The following KCNH1 variants were observed in gnomAD, a reference collection of about 807,000 sequenced individuals.
KCNH1 encodes potassium voltage-gated channel subfamily H member 1.
KCNH1 carries 27 observed loss-of-function variants against 69.2 expected under a neutral mutation model. That is an observed-to-expected ratio of 0.39 (90% CI 0.29 to 0.54). The LOEUF (loss-of-function observed/expected upper bound fraction) is 0.54. Ranked by LOEUF, KCNH1 falls within the 20% of genes least tolerant of loss-of-function variation. KCNH1 has a pLI of 0.68. For missense variants in KCNH1, 798 were observed against 1,261.6 expected (o/e 0.63, Z 5.57); for synonymous variants, 456 against 487.7 (o/e 0.93, Z 0.86).
At chr1:210,792,186 T>G (rs1684224368) in intron 9 of KCNH1, among the ~76,000 whole-genome samples, 1 of 152,116 alleles carries the variant, frequency 6.6e-6, no homozygotes, top group Non-Finnish European at 1.5e-5. Context: ...CCCTGATATC[T>G]CTGGACTCTG....
intron 7 of KCNH1, among the ~76,000 whole-genome samples, chr1:210,913,123 TG>T (rs534641443): frequency 8.1e-4 from 124 of 152,264 alleles, no homozygotes; most frequent in African/African-American, 2.9e-3. Flanking sequence ...GTGTCCAAAA[TG>T]GGGGCACCCA....
chr1:210,922,405 A>AC (rs1687481489), intron 6 of KCNH1, among the ~76,000 whole-genome samples: 2 of 36,654 alleles, frequency 5.5e-5, no homozygotes, highest in African/African-American at 1.3e-4. Flanking sequence ...AAAAAAAAAA[A>AC]AAAAAAAAAA....
rs76099529 is a variant in KCNH1, at chr1:210,740,787, T to A, written c.2112+34561A>T. 7.9e-4 allele frequency among the ~76,000 whole-genome samples: 117 copies of A among 148,740 alleles called. 2 individuals are homozygous for A. In the East Asian group the frequency reaches 0.022, roughly 29 times the overall value. ...CAGGCTTGTGACAGCTAAAACACACTTACCACGTCTTTTAAATGTAAAAAC... is the reference window on the plus strand; with the variant it reads ...CAGGCTTGTGACAGCTAAAACACACATACCACGTCTTTTAAATGTAAAAAC... On this transcript the variant is annotated intron_variant, in intron 10 of 10. Coordinates refer to ENST00000271751, the MANE Select transcript of KCNH1 (RefSeq NM_172362.3).
At chr1:210,846,986 C>T (rs1372329135) in intron 7 of KCNH1, among the ~76,000 whole-genome samples, 2 of 152,172 alleles carry the variant, frequency 1.3e-5, no homozygotes, top group African/African-American at 4.8e-5. Flanking sequence ...AAAATGCTCA[C>T]CATCACTGGC....
intron 6 of KCNH1, among the ~76,000 whole-genome samples, chr1:211,011,330 G>C (rs1219912164): frequency 6.6e-6 from 1 of 152,132 alleles, no homozygotes; most frequent in African/African-American, 2.4e-5. Context: ...TGGCTGCATA[G>C]TATTCCATGG....
Position 210,768,131 on chromosome 1 carries a change from A to G in KCNH1, c.2112+7217T>C, listed in dbSNP as rs17016880. On this transcript the variant is annotated intron_variant, in intron 10 of 10. Coordinates refer to ENST00000271751, the MANE Select transcript of KCNH1 (RefSeq NM_172362.3). Reference sequence around the variant, plus strand: ...CCATCACTTCTTTTTAAAAACTTTTAGCACCTGATGGGATCTAAGTCCCAG... The same window carrying G: ...CCATCACTTCTTTTTAAAAACTTTTGGCACCTGATGGGATCTAAGTCCCAG... Among the ~76,000 whole-genome samples the G allele has an allele frequency of 2.5e-3, 376 of 152,346 alleles. 5 individuals carry two copies. Among genetic ancestry groups the G allele is most frequent in the African/African-American group, 8.6e-3 (359 of 41,580 alleles).
At chr1:210,883,328 C>CT (rs1442091085) in intron 7 of KCNH1, among the ~76,000 whole-genome samples, 1 of 152,230 alleles carries the variant, frequency 6.6e-6, no homozygotes, top group Non-Finnish European at 1.5e-5. Context: ...CTAACCTAGT[C>CT]TCCCTGTCTT....
chr1:210,856,802 T>TATATATATA, intron 7 of KCNH1, among the ~76,000 whole-genome samples: 1 of 115,042 alleles, frequency 8.7e-6, no homozygotes, highest in African/African-American at 3.5e-5. Context: ...TATTTATATT[T>TATATATATA]ATATATATAT....
intron 6 of KCNH1, among the ~76,000 whole-genome samples, chr1:210,922,463 A>C (rs543944406): frequency 2.0e-5 from 3 of 151,690 alleles, no homozygotes; most frequent in Non-Finnish European, 4.4e-5. Flanking sequence ...CAGAAATGAT[A>C]ATTTCTTGTC....
At chr1:210,957,248 T>C (rs952839817) in intron 6 of KCNH1, among the ~76,000 whole-genome samples, 2 of 152,194 alleles carry the variant, frequency 1.3e-5, no homozygotes, top group South Asian at 4.1e-4. Context: ...TAATCCTAAG[T>C]TCTAATTTGA....
At chr1:211,010,586 A>G (rs1463000153) in intron 6 of KCNH1, among the ~76,000 whole-genome samples, 1 of 152,018 alleles carries the variant, frequency 6.6e-6, no homozygotes, top group African/African-American at 2.4e-5. Context: ...GAAATGCTCT[A>G]CTTCCTCCTC....
At chr1:210,857,624 A>G (rs1310257403) in intron 7 of KCNH1, among the ~76,000 whole-genome samples, 3 of 152,184 alleles carry the variant, frequency 2.0e-5, no homozygotes, top group Non-Finnish European at 4.4e-5. Context: ...CAATATATGC[A>G]TTTGTTTTTA....
intron 5 of KCNH1, among the ~76,000 whole-genome samples, chr1:211,054,874 G>A (rs1343433870): frequency 1.3e-5 from 2 of 151,508 alleles, no homozygotes; most frequent in Non-Finnish European, 2.9e-5. Context: ...GAGAAAGGAA[G>A]GGATGGTGGA....
At chr1:210,929,908 G>A (rs1687647715) in intron 6 of KCNH1, among the ~76,000 whole-genome samples, 1 of 150,808 alleles carries the variant, frequency 6.6e-6, no homozygotes, top group African/African-American at 2.4e-5. Context: ...ATTAAATCAA[G>A]AACTGAATCC....
chr1:211,105,705 C>T (rs950111287), intron 2 of KCNH1, among the ~76,000 whole-genome samples: 10 of 152,172 alleles, frequency 6.6e-5, no homozygotes, highest in Non-Finnish European at 1.0e-4. Flanking sequence ...AAAGGCTGTT[C>T]AAGTCACACT....
chr1:210,772,441 G>A (rs1325172980), intron 10 of KCNH1, among the ~76,000 whole-genome samples: 2 of 151,226 alleles, frequency 1.3e-5, no homozygotes, highest in African/African-American at 2.4e-5. Context: ...CATGCCCTAC[G>A]TAACTACGAA....
intron 7 of KCNH1, among the ~76,000 whole-genome samples, chr1:210,849,422 A>C (rs1685635793): frequency 7.1e-6 from 1 of 141,568 alleles, no homozygotes; most frequent in Admixed American, 7.5e-5. Context: ...ACTGGAGTTC[A>C]ATGGCATGAT....
At chr1:211,109,460 T>C (rs1220602657) in intron 1 of KCNH1, among the ~76,000 whole-genome samples, 1 of 152,198 alleles carries the variant, frequency 6.6e-6, no homozygotes, top group Admixed American at 6.5e-5. Flanking sequence ...AGTACAGTAT[T>C]TACTAAATTA....
At chr1:210,941,050 A>G (rs1219267791) in intron 6 of KCNH1, among the ~76,000 whole-genome samples, 1 of 152,202 alleles carries the variant, frequency 6.6e-6, no homozygotes, top group African/African-American at 2.4e-5. Flanking sequence ...GCCTGAGTAT[A>G]GTACTGGTCC....
Sources: gnomAD v4.1 joint callset for allele counts (sites outside exome capture counted in the v4.1 genomes callset) on GRCh38, gnomAD v4.1.1 for gene constraint, MANE v1.5 for transcripts, NCBI Gene and HGNC (gene_info 2026-07-23, HGNC 2026-07-21) for gene names.